The following G3BP1 variants were observed in gnomAD, a reference collection of about 807,000 sequenced individuals.
G3BP1 encodes the protein G3BP stress granule assembly factor 1.
Under a neutral mutation model 58.6 loss-of-function variants are expected in G3BP1, and 35 were observed. The observed-to-expected ratio is 0.60, with a 90% CI of 0.46 to 0.79. G3BP1 has a LOEUF of 0.79. Among genes scored for constraint, G3BP1 ranks in the 30% least tolerant of loss-of-function variants. The pLI, the probability that G3BP1 is intolerant of heterozygous loss-of-function variation, is 0.00. For missense variants in G3BP1, 523 were observed against 580.8 expected (o/e 0.90, Z 1.02); for synonymous variants, 191 against 195.4 (o/e 0.98, Z 0.19).
At position 151,791,862 on chromosome 5, in the gene G3BP1, C is replaced by T. The variant is rs115326519; in HGVS notation, c.351+800C>T. 5.4e-3 allele frequency: 1,698 copies of T among 316,560 alleles called. 20 individuals are homozygous for T. Among genetic ancestry groups the T allele is most frequent in the African/African-American group, 0.03 (1,367 of 44,876 alleles). The allele number at this position is 316,560 out of a possible 1,614,324, so 19.6% of individuals were successfully genotyped here. On this transcript the variant is annotated intron_variant, in intron 4 of 11. Transcript: ENST00000356245. ...AGTAGTGATGGGGTTTCACCATATT[C>T]GTCAGGCTGGTCTCTAACTCCTGAC... is the stretch of plus-strand genomic sequence containing the variant.
In G3BP1 at chr5:151,799,879, A is replaced by G; in HGVS notation, c.844-10A>G. The G allele has an allele frequency of 6.4e-7, 1 of 1,550,772 alleles. No individual in the cohort carries two copies. The highest frequency in any genetic ancestry group is 8.8e-7 in the Non-Finnish European group (1 of 1,130,254). ...TGTTTTAACACAAAAGTTAACTTAA[A>G]ATTTTTCAGCCCCGTCCAGAGTCTA... On this transcript the variant is annotated splice_polypyrimidine_tract_variant and intron_variant, in intron 8 of 11. Coordinates refer to ENST00000356245, the MANE Select transcript of G3BP1 (RefSeq NM_005754.3).
At chr5:151,784,019 C>T (rs894287746) in intron 1 of G3BP1, among the ~76,000 whole-genome samples, 3 of 152,264 alleles carry the variant, frequency 2.0e-5, no homozygotes, top group African/African-American at 7.2e-5. Context: ...CCTCGGCCTC[C>T]GAAAGTGCTG....
At chr5:151,793,421 C>T (rs1387134174) in intron 4 of G3BP1, among the ~76,000 whole-genome samples, 1 of 152,122 alleles carries the variant, frequency 6.6e-6, no homozygotes, top group African/African-American at 2.4e-5. Context: ...GATATGATTG[C>T]CTTATAATGT....
At chr5:151,803,663 T>G (rs1440350537) in intron 11 of G3BP1, among the ~76,000 whole-genome samples, 2 of 151,996 alleles carry the variant, frequency 1.3e-5, no homozygotes, top group Non-Finnish European at 2.9e-5. Flanking sequence ...CTGGCTAATT[T>G]TTGTGTTTTT....
intron 1 of G3BP1, among the ~76,000 whole-genome samples, chr5:151,776,400 C>G (rs1581569719): frequency 6.6e-6 from 1 of 152,098 alleles, no homozygotes; most frequent in Non-Finnish European, 1.5e-5. Flanking sequence ...GGGAATTAGG[C>G]TCTACTTTCT....
chr5:151,793,612 C>T (rs141564730), intron 4 of G3BP1, among the ~76,000 whole-genome samples: 2 of 152,056 alleles, frequency 1.3e-5, no homozygotes, highest in African/African-American at 2.4e-5. Flanking sequence ...TTAACTAATT[C>T]TTTGTTGTGG....
intron 1 of G3BP1, among the ~76,000 whole-genome samples, chr5:151,781,267 A>G (rs761338434): frequency 2.6e-5 from 4 of 152,230 alleles, no homozygotes; most frequent in Admixed American, 2.6e-4. Flanking sequence ...GTCAAGAGAA[A>G]TGTAAACAAA....
intron 1 of G3BP1, among the ~76,000 whole-genome samples, chr5:151,777,235 A>G (rs1762387681): frequency 6.6e-6 from 1 of 152,238 alleles, no homozygotes; most frequent in Non-Finnish European, 1.5e-5. Context: ...CACGATTTAG[A>G]GAACCAGATA....
At chr5:151,786,077 A>G (rs764805941) in intron 1 of G3BP1, among the ~76,000 whole-genome samples, 3 of 152,196 alleles carry the variant, frequency 2.0e-5, no homozygotes, top group Non-Finnish European at 4.4e-5. Flanking sequence ...GCAGATCATG[A>G]GGTCAGGAGT....
chr5:151,783,207 T>G (rs1028822819), intron 1 of G3BP1, among the ~76,000 whole-genome samples: 7 of 152,122 alleles, frequency 4.6e-5, no homozygotes, highest in African/African-American at 1.4e-4. Context: ...TTTTTAGATT[T>G]GATAGAATTG....
intron 1 of G3BP1, among the ~76,000 whole-genome samples, chr5:151,785,309 GAAAT>G (rs1013290145): frequency 1.2e-3 from 177 of 152,296 alleles, no homozygotes; most frequent in African/African-American, 4.0e-3. Flanking sequence ...AGGCATTGGT[GAAAT>G]AAATACTAAT....
At position 151,808,055 on chromosome 5, in the gene G3BP1, T is replaced by C. The variant is rs779458242; in HGVS notation, c.*3964T>C. The C allele has an allele frequency of 6.6e-6, 1 of 152,216 alleles. No individual in the cohort carries two copies. The highest frequency in any genetic ancestry group is 1.5e-5 in the Non-Finnish European group (1 of 68,024). 9.4% of individuals were successfully genotyped at this position (152,216 alleles called of 1,614,324 possible). On this transcript the variant is annotated 3_prime_UTR_variant, in exon 12 of 12. Transcript: ENST00000356245. The stretch of plus-strand genomic sequence containing the variant: ...ACTGCCTAATGTACCAAAAAAAAAT[T>C]AGCAATGTCTTATGTGGGATGAGGG...
Position 151,812,025 on chromosome 5 carries a change from G to C in G3BP1, c.*7934G>C, listed in dbSNP as rs1347063475. ...AGCTGTCAGAGTTGCCGCTATGTGAGCTTGTGACTTCTGGTCTGGCGTGAA... is the reference window on the plus strand; with the variant it reads ...AGCTGTCAGAGTTGCCGCTATGTGACCTTGTGACTTCTGGTCTGGCGTGAA... On this transcript the variant is annotated 3_prime_UTR_variant, in exon 12 of 12. Coordinates refer to ENST00000356245, the MANE Select transcript of G3BP1 (RefSeq NM_005754.3). The C allele has an allele frequency of 6.6e-6, 1 of 152,208 alleles. No homozygotes were observed. The highest frequency in any genetic ancestry group is 1.5e-5 in the Non-Finnish European group (1 of 68,038). The allele number at this position is 152,208 out of a possible 1,614,324, so 9.4% of individuals were successfully genotyped here.
chr5:151,800,925 CT>C, intron 11 of G3BP1, 56 bp downstream of exon 11: 1 of 813,940 alleles, frequency 1.2e-6, no homozygotes, highest in Non-Finnish European at 2.0e-6. Context: ...GGTTTTGGTT[CT>C]TTAGAATATA....
chr5:151,782,044 A>G (rs1023045777), intron 1 of G3BP1, among the ~76,000 whole-genome samples: 17 of 152,048 alleles, frequency 1.1e-4, no homozygotes, highest in African/African-American at 4.1e-4. Context: ...CTCTAGGAAA[A>G]TAAGGAAAAT....
At chr5:151,801,341 C>T (rs1476286992) in intron 11 of G3BP1, among the ~76,000 whole-genome samples, 1 of 152,188 alleles carries the variant, frequency 6.6e-6, no homozygotes, top group African/African-American at 2.4e-5. Flanking sequence ...TGGAACCATC[C>T]TTACTAACAG....
chr5:151,776,651 T>G (rs923911634), intron 1 of G3BP1, among the ~76,000 whole-genome samples: 1 of 152,184 alleles, frequency 6.6e-6, no homozygotes, highest in Non-Finnish European at 1.5e-5. Flanking sequence ...TTTTCTTTTT[T>G]TCATTTATAT....
At chr5:151,798,744 T>G (rs1337958709) in intron 7 of G3BP1, among the ~76,000 whole-genome samples, 2 of 152,060 alleles carry the variant, frequency 1.3e-5, no homozygotes, top group Non-Finnish European at 2.9e-5. Context: ...CCAGGAGGAT[T>G]GCTTGAGTTT....
chr5:151,809,493 G>T lies in G3BP1; in HGVS notation c.*5402G>T, dbSNP rs1762984419. 2 of 152,278 alleles carry T rather than the reference G, an allele frequency of 1.3e-5. No homozygotes were observed. Among genetic ancestry groups the T allele is most frequent in the East Asian group, 3.9e-4 (2 of 5,182 alleles). The allele number at this position is 152,278 out of a possible 1,614,324, so 9.4% of individuals were successfully genotyped here. A position where few individuals can be genotyped will look rare whatever the true frequency, so the allele number is the denominator to read the frequency against. ...ATAGGGATCATTTGTGATTTATATA[G>T]AAAATAATTATATTTTTGAGTGAGA... On this transcript the variant is annotated 3_prime_UTR_variant, in exon 12 of 12. Coordinates refer to ENST00000356245, the MANE Select transcript of G3BP1 (RefSeq NM_005754.3).
Sources: allele counts gnomAD v4.1 joint callset (sites outside exome capture counted in the v4.1 genomes callset), GRCh38; gene constraint gnomAD v4.1.1; transcripts MANE v1.5; gene names NCBI Gene and HGNC (gene_info 2026-07-23, HGNC 2026-07-21).